Variants in BCAS3 observed in about 807,000 individuals in gnomAD.
The protein encoded by BCAS3 is BCAS3 microtubule associated cell migration factor.
In BCAS3, 53 loss-of-function variants were observed where a neutral mutation model predicts 116.1. The ratio of observed to expected loss-of-function variants is 0.46; its 90% CI spans 0.37 to 0.57. The LOEUF is 0.57. Among genes scored for constraint, BCAS3 ranks in the 20% least tolerant of loss-of-function variants. The probability of loss-of-function intolerance (pLI) is 0.00; values close to 1 mark genes in which losing one functional copy is unlikely to be tolerated. For synonymous variants in BCAS3, 391 were observed against 408.2 expected (o/e 0.96, Z 0.51); for missense variants, 917 against 1,165.4 (o/e 0.79, Z 3.10).
Position 61,276,747 on chromosome 17 carries a change from C to G in BCAS3, c.2426-91580C>G, listed in dbSNP as rs752752599. Among the ~76,000 whole-genome samples, 1 of 151,962 alleles carries G rather than the reference C, an allele frequency of 6.6e-6. No homozygotes were observed. Among genetic ancestry groups the G allele is most frequent in the Non-Finnish European group, 1.5e-5 (1 of 67,988 alleles). Reference sequence around the variant, plus strand: ...TATAAATTCAAGGGTGCAGAAAAGCCGAAATAATCTTGAAAAAGAACAAAG... The same window carrying G: ...TATAAATTCAAGGGTGCAGAAAAGCGGAAATAATCTTGAAAAAGAACAAAG... On this transcript the variant is annotated intron_variant, in intron 22 of 23. Transcript: ENST00000407086. This position sits in a 1 kb window ranked among gnomAD's most constrained non-coding sequence, Gnocchi z 4.2.
intron 6 of BCAS3, among the ~76,000 whole-genome samples, chr17:60,753,031 G>GA (rs60540000): frequency 0.73 from 110,490 of 151,852 alleles, 45,914 homozygotes; most frequent in South Asian, 0.98. Context: ...TTTTTGTAGA[G>GA]TGAGGTCTTG....
intron 6 of BCAS3, among the ~76,000 whole-genome samples, chr17:60,786,487 A>G (rs1598712807): frequency 6.6e-6 from 1 of 151,320 alleles, no homozygotes; most frequent in Non-Finnish European, 1.5e-5. Context: ...GTGCCTCTGC[A>G]CTCCAGCCTA....
intron 12 of BCAS3, among the ~76,000 whole-genome samples, chr17:60,911,062 T>C (rs977813674): frequency 2.0e-5 from 3 of 151,584 alleles, no homozygotes; most frequent in Non-Finnish European, 4.4e-5. Context: ...CTTTTTTGTG[T>C]GTAATGACAT....
chr17:60,902,177 A>T (rs1391937833), intron 10 of BCAS3, among the ~76,000 whole-genome samples: 2 of 152,208 alleles, frequency 1.3e-5, no homozygotes, highest in Non-Finnish European at 2.9e-5. Context: ...AATATGGCAA[A>T]ATCTTTTGTC....
chr17:60,991,022 G>A (rs780928231), intron 15 of BCAS3, among the ~76,000 whole-genome samples: 6 of 152,220 alleles, frequency 3.9e-5, no homozygotes, highest in Non-Finnish European at 8.8e-5. Flanking sequence ...AAGTAGCTGT[G>A]TAACCATCAT....
chr17:60,735,153 T>A (rs2144186439), intron 5 of BCAS3, among the ~76,000 whole-genome samples: 1 of 152,280 alleles, frequency 6.6e-6, no homozygotes, highest in South Asian at 2.1e-4. Flanking sequence ...AGAAAGTGAC[T>A]TTTGTGTATT....
In BCAS3 at chr17:61,138,692, GACTT is replaced by G. The variant is rs750536355; in HGVS notation, c.2425+54133_2425+54136del. ...TTTAAGAACTCTTATTGGAATAAGA[GACTT>G]ACTTTATTGAAGTCTTATAATTTTT... On this transcript the variant is annotated intron_variant, in intron 22 of 23. Transcript: ENST00000407086. 3.9e-5 allele frequency among the ~76,000 whole-genome samples: 6 copies of G among 152,272 alleles called. No individual in the cohort carries two copies. The East Asian group carries it at 1.2e-3, about 29-fold the overall frequency.
At chr17:60,864,339 T>G (rs541166115) in intron 7 of BCAS3, among the ~76,000 whole-genome samples, 1 of 152,342 alleles carries the variant, frequency 6.6e-6, no homozygotes, top group African/African-American at 2.4e-5. Context: ...TCATCAGCTT[T>G]AGCTGGGTTA....
At chr17:61,338,081 T>C (rs2056863289) in intron 22 of BCAS3, among the ~76,000 whole-genome samples, 1 of 152,238 alleles carries the variant, frequency 6.6e-6, no homozygotes. Context: ...GCTTATGTTA[T>C]GTTAGGTGCC....
intron 10 of BCAS3, among the ~76,000 whole-genome samples, chr17:60,896,760 T>C (rs1234880363): frequency 1.3e-5 from 2 of 152,140 alleles, no homozygotes; most frequent in Non-Finnish European, 2.9e-5. Context: ...TATAGTTGGG[T>C]CATTTAAAAA....
In BCAS3 at chr17:61,391,850, G is replaced by T; in HGVS notation, c.2594-127G>T. On this transcript the variant is annotated intron_variant, in intron 23 of 23. Transcript: ENST00000407086. The surrounding 1 kb of genome is among the most constrained non-coding windows in gnomAD (Gnocchi z 7.7). Reference sequence around the variant, plus strand: ...CCTGCCCATCCAGGGAGCAGGCGGGGATCCCCCTGCGGAAGGACACAAGTG... The same window carrying T: ...CCTGCCCATCCAGGGAGCAGGCGGGTATCCCCCTGCGGAAGGACACAAGTG... 9.8e-7 allele frequency: 1 copy of T among 1,024,554 alleles called. No individual in the cohort carries two copies. The highest frequency in any genetic ancestry group is 1.4e-6 in the Non-Finnish European group (1 of 699,554). The allele number at this position is 1,024,554 out of a possible 1,614,324, so 63.5% of individuals were successfully genotyped here. A position where few individuals can be genotyped will look rare whatever the true frequency, so the allele number is the denominator to read the frequency against.
chr17:60,691,406 C>CCTCT (rs138400928), intron 4 of BCAS3, among the ~76,000 whole-genome samples: 53 of 148,450 alleles, frequency 3.6e-4, no homozygotes, highest in Admixed American at 4.0e-4. Flanking sequence ...TTGTTAGTTT[C>CCTCT]CTCTCTCTCT....
rs1340612059 is a variant in BCAS3, at chr17:61,073,839, G to GTGGTTCA, written c.2030-1078_2030-1072dup. The stretch of plus-strand genomic sequence containing the variant: ...GTATTAAAATGGTAGGCCAGGCGTG[G>GTGGTTCA]TGGTTCATGCCTGTAATCCCAGCAC... On this transcript the variant is annotated intron_variant, in intron 19 of 23. Transcript: ENST00000407086. The surrounding 1 kb of genome is among the most constrained non-coding windows in gnomAD (Gnocchi z 4.6). Among the ~76,000 whole-genome samples the GTGGTTCA allele has an allele frequency of 6.6e-6, 1 of 152,058 alleles. No homozygotes were observed. Among genetic ancestry groups the GTGGTTCA allele is most frequent in the African/African-American group, 2.4e-5 (1 of 41,400 alleles).
Position 60,923,317 on chromosome 17 carries a change from C to T in BCAS3, c.994-1090C>T, listed in dbSNP as rs565769309. 4.6e-5 allele frequency among the ~76,000 whole-genome samples: 7 copies of T among 152,302 alleles called. No individual in the cohort carries two copies. The South Asian group carries it at 1.5e-3, about 32-fold the overall frequency. ...TGACCTGCACAGTTAAAACGGGTAG[C>T]TTTTGTGGTGTGCAAGTTGTATCTT... On this transcript the variant is annotated intron_variant, in intron 12 of 23. Coordinates refer to ENST00000407086, the MANE Select transcript of BCAS3 (RefSeq NM_017679.5).
intron 19 of BCAS3, among the ~76,000 whole-genome samples, chr17:61,069,296 A>C (rs73324847): frequency 0.1 from 15,261 of 152,110 alleles, 2,307 homozygotes; most frequent in African/African-American, 0.33. Flanking sequence ...CAGGGCAGGT[A>C]AACTAAATTT....
At chr17:60,859,136 CAT>C (rs2053937347) in intron 7 of BCAS3, among the ~76,000 whole-genome samples, 1 of 151,978 alleles carries the variant, frequency 6.6e-6, no homozygotes, top group Non-Finnish European at 1.5e-5. Context: ...AGAAAATAAA[CAT>C]ATGACTTAAT....
At chr17:60,937,226 A>G (rs1307029488) in intron 13 of BCAS3, among the ~76,000 whole-genome samples, 2 of 148,972 alleles carry the variant, frequency 1.3e-5, no homozygotes, top group East Asian at 2.0e-4. Context: ...CCCTCACCAT[A>G]TATCTGTTTT....
chr17:60,821,231 G>T (rs543588369), intron 7 of BCAS3, among the ~76,000 whole-genome samples: 18 of 152,098 alleles, frequency 1.2e-4, no homozygotes, highest in Non-Finnish European at 1.5e-5. Context: ...ACAGGCATGC[G>T]CCACCTCACC....
chr17:61,040,990 G>T (rs1161896916), intron 19 of BCAS3, 98 bp downstream of exon 19: 1 of 963,060 alleles, frequency 1.0e-6, no homozygotes, highest in Non-Finnish European at 1.6e-6. Context: ...TGGTCCATAG[G>T]CCATGGGCCT....
Sources: allele counts gnomAD v4.1 joint callset (sites outside exome capture counted in the v4.1 genomes callset), GRCh38; gene constraint gnomAD v4.1.1; non-coding constraint Gnocchi (gnomAD v3.1); transcripts MANE v1.5; gene names NCBI Gene and HGNC (gene_info 2026-07-23, HGNC 2026-07-21).